Variants in DMD observed in about 807,000 individuals in gnomAD.
The protein encoded by DMD is mutant dystrophin.
A neutral mutation model predicts 330.1 loss-of-function variants in DMD; 63 were observed. The observed-to-expected ratio is 0.19, with a 90% confidence interval of 0.16 to 0.24. DMD has a LOEUF of 0.24. Among genes scored for constraint, DMD ranks in the 10% least tolerant of loss-of-function variants. DMD has a pLI of 1.00. For synonymous variants in DMD, 1,223 were observed against 959.8 expected (o/e 1.27, Z -5.07); for missense variants, 3,344 against 2,684.1 (o/e 1.25, Z -5.43).
At chrX:31,445,353 T>C (rs2065201316) in intron 59 of DMD, among the ~76,000 whole-genome samples, 1 of 111,522 alleles carries the variant, frequency 9.0e-6, no homozygotes, top group African/African-American at 3.3e-5. Context: ...TGGGTAAAAA[T>C]TGAGGAACCT....
chrX:32,059,624 T>C (rs1229627038), intron 44 of DMD, among the ~76,000 whole-genome samples: 2 of 111,261 alleles, frequency 1.8e-5, no homozygotes, highest in African/African-American at 3.3e-5. Flanking sequence ...TTCCGAAATA[T>C]TTAGAGAGTA....
intron 33 of DMD, among the ~76,000 whole-genome samples, chrX:32,385,171 A>C (rs2097949577): frequency 9.0e-6 from 1 of 110,965 alleles, no homozygotes; most frequent in African/African-American, 3.3e-5. Flanking sequence ...ATAATGCTCT[A>C]GTAATTAAAA....
At chrX:32,302,588 A>T (rs1214639951) in intron 42 of DMD, among the ~76,000 whole-genome samples, 5 of 111,388 alleles carry the variant, frequency 4.5e-5, no homozygotes, top group Admixed American at 9.6e-5. Flanking sequence ...TTAACATTTT[A>T]TTTACAGTTT....
chrX:32,645,257 C>G, intron 9 of DMD, 105 bp from the exon 10 acceptor site: 1 of 875,187 alleles, frequency 1.1e-6, no homozygotes, highest in Non-Finnish European at 1.6e-6. Flanking sequence ...CTAGGACTGT[C>G]CACTGGCATT....
intron 65 of DMD, among the ~76,000 whole-genome samples, chrX:31,208,204 T>C (rs1397541243): frequency 9.0e-6 from 1 of 111,467 alleles, no homozygotes; most frequent in African/African-American, 3.3e-5. Context: ...GCTACTAAAA[T>C]TTATTAAATC....
At chrX:31,814,219 C>T (rs933045825) in intron 50 of DMD, among the ~76,000 whole-genome samples, 55 of 110,092 alleles carry the variant, frequency 5.0e-4, no homozygotes, top group Non-Finnish European at 8.5e-4. Flanking sequence ...CGGTGGCTCA[C>T]GCCTGTAATC....
At chrX:31,969,480 C>G (rs912599678) in intron 44 of DMD, among the ~76,000 whole-genome samples, 6 of 111,179 alleles carry the variant, frequency 5.4e-5, no homozygotes, top group Non-Finnish European at 9.4e-5. Context: ...CCTTATGTCA[C>G]TGACAGAATA....
At chrX:31,160,256 G>T (rs2038652651) in intron 74 of DMD, among the ~76,000 whole-genome samples, 1 of 111,420 alleles carries the variant, frequency 9.0e-6, no homozygotes, top group Non-Finnish European at 1.9e-5. Flanking sequence ...ATGGTGCAAA[G>T]AATTTTCTAT....
At chrX:32,211,520 G>A (rs1305299724) in intron 44 of DMD, among the ~76,000 whole-genome samples, 1 of 111,788 alleles carries the variant, frequency 8.9e-6, no homozygotes, top group African/African-American at 3.3e-5. Flanking sequence ...AAAGATACCA[G>A]AAAACCAATT....
chrX:32,528,405 GTAAAT>G (rs1372647473), intron 17 of DMD, among the ~76,000 whole-genome samples: 4 of 112,055 alleles, frequency 3.6e-5, no homozygotes, highest in African/African-American at 1.3e-4. Context: ...ATTTTCTTGG[GTAAAT>G]TAATTTCTTC....
rs1569553637 is a variant in DMD at position 32,252,737 on chromosome X, T to TATATAA, written c.6290+34791_6290+34792insTTATAT. On this transcript the variant is annotated intron_variant, in intron 43 of 78. Transcript: ENST00000357033. The stretch of plus-strand genomic sequence containing the variant: ...ATAAATATATATAAATATATAAATA[T>TATATAA]ATATATAAATATATATAAATATATA... Among the ~76,000 whole-genome samples, 205 of 35,801 alleles carry TATATAA rather than the reference T, an allele frequency of 5.7e-3. 13 individuals are homozygous for TATATAA. Among genetic ancestry groups the TATATAA allele is most frequent in the African/African-American group, 0.027 (166 of 6,246 alleles). 31.1% of individuals were successfully genotyped at this position (35,801 alleles called of 115,157 possible).
rs939606506 is a variant in DMD at position 32,749,473 on chromosome X, T to C, written c.650-50180A>G. The stretch of plus-strand genomic sequence containing the variant: ...ATAATGATATTATCCAGAATTTATA[T>C]GGTCAACATTCAATTGCTCACAAGG... On this transcript the variant is annotated intron_variant, in intron 7 of 78. Transcript: ENST00000357033. Among the ~76,000 whole-genome samples the C allele has an allele frequency of 1.7e-4, 19 of 112,435 alleles. 1 individual carries two copies. Among genetic ancestry groups the C allele is most frequent in the African/African-American group, 6.1e-4 (19 of 30,974 alleles).
intron 1 of DMD, among the ~76,000 whole-genome samples, chrX:33,290,868 A>G (rs1027466374): frequency 1.4e-4 from 16 of 111,748 alleles, no homozygotes; most frequent in Middle Eastern, 4.6e-3. Context: ...AAAGATTACA[A>G]CTTTTGAATA....
intron 43 of DMD, among the ~76,000 whole-genome samples, chrX:32,238,482 A>T (rs895583286): frequency 9.0e-6 from 1 of 111,113 alleles, no homozygotes; most frequent in African/African-American, 3.3e-5. Context: ...AGAAAGAGAG[A>T]CACAGAGAGA....
At chrX:32,595,930 T>G in intron 12 of DMD, 54 bp from the exon 13 acceptor site, 2 of 1,013,725 alleles carry the variant, frequency 2.0e-6, no homozygotes, top group Non-Finnish European at 2.8e-6. Context: ...ACATGTGTGT[T>G]GAAATGATTT....
At chrX:31,692,936 A>T (rs2083219953) in intron 52 of DMD, among the ~76,000 whole-genome samples, 1 of 111,788 alleles carries the variant, frequency 8.9e-6, no homozygotes, top group South Asian at 3.7e-4. Flanking sequence ...AAGGCCAGCA[A>T]TACCCTGATC....
intron 45 of DMD, among the ~76,000 whole-genome samples, chrX:31,961,752 T>G (rs868690347): frequency 1.8e-4 from 16 of 89,404 alleles, no homozygotes; most frequent in African/African-American, 6.3e-4. Context: ...TTTTTTTTTT[T>G]TTTGTCTTGT....
chrX:31,358,214 C>A (rs1182368043), intron 60 of DMD, among the ~76,000 whole-genome samples: 1 of 109,904 alleles, frequency 9.1e-6, no homozygotes, highest in Non-Finnish European at 1.9e-5. Context: ...TTCACTTCAA[C>A]TCTAAACTAA....
intron 18 of DMD, among the ~76,000 whole-genome samples, chrX:32,514,469 C>T (rs1194211437): frequency 2.7e-5 from 3 of 112,016 alleles, no homozygotes; most frequent in African/African-American, 9.7e-5. Flanking sequence ...GTGCCGGGCG[C>T]GGTGGCTCAC....
Sources: allele counts gnomAD v4.1 joint callset (sites outside exome capture counted in the v4.1 genomes callset), GRCh38; gene constraint gnomAD v4.1.1; transcripts MANE v1.5; gene names NCBI Gene and HGNC (gene_info 2026-07-23, HGNC 2026-07-21).